The following NCL variants were observed in gnomAD, a reference collection of about 807,000 sequenced individuals.
NCL encodes the protein nucleolin multifunctional protein.
A neutral mutation model predicts 77.7 loss-of-function variants in NCL; 4 were observed. The observed-to-expected ratio is 0.05, with a 90% CI of 0.03 to 0.12. The LOEUF (loss-of-function observed/expected upper bound fraction) is 0.12, where lower values mean the gene tolerates loss of function less well. Among genes scored for constraint, NCL ranks in the 10% least tolerant of loss-of-function variants. NCL has a pLI of 1.00. For missense variants in NCL, 763 were observed against 860.9 expected, an observed-to-expected ratio of 0.89 and a Z score of 1.42; for synonymous variants, 344 against 297.8, an observed-to-expected ratio of 1.16 and a Z score of -1.60.
At chr2:231,463,011 TAC>T in intron 2 of NCL, 187 bp downstream of exon 2, 2 of 568,656 alleles carry the variant, frequency 3.5e-6, no homozygotes, top group South Asian at 4.3e-5. Flanking sequence ...GATCTCGTCT[TAC>T]ACTCACATTC....
intron 2 of NCL, 72 bp downstream of exon 2, chr2:231,463,128 T>C (rs2046967845): frequency 8.8e-7 from 1 of 1,133,382 alleles, no homozygotes; most frequent in Admixed American, 2.3e-5. Context: ...TTGCCACAGA[T>C]ATCCAATTTC....
At chr2:231,458,204 T>C (rs2046910126) in intron 8 of NCL, 62 bp downstream of exon 8, 2 of 1,572,006 alleles carry the variant, frequency 1.3e-6, no homozygotes, top group Middle Eastern at 1.7e-4. Context: ...ATATTTCTTT[T>C]ATAAAGCAGG....
intron 11 of NCL, 154 bp downstream of exon 11, chr2:231,456,477 C>A (rs201263063): frequency 2.5e-5 from 33 of 1,318,266 alleles, no homozygotes; most frequent in South Asian, 1.2e-5. Context: ...GAGGAATTTT[C>A]TTGAGATTTC....
intron 10 of NCL, 59 bp downstream of exon 10, chr2:231,456,942 C>A: frequency 6.3e-7 from 1 of 1,591,242 alleles, no homozygotes; most frequent in South Asian, 1.1e-5. Context: ...ACCTTACGTT[C>A]CTTTAGACCT....
chr2:231,460,694 CTCA>C lies in NCL; in HGVS notation c.783_785del (p.Asp261del), dbSNP rs556842200. Reference sequence around the variant, plus strand: ...CTTCCTCCTCCTCTTCTTCCTCCTCCTCATCATCTTCATCATCATCATCTTCAT... The same window carrying C: ...CTTCCTCCTCCTCTTCTTCCTCCTCCTCATCTTCATCATCATCATCTTCAT... On this transcript the variant is annotated inframe_deletion, in exon 4 of 14. Coordinates refer to ENST00000322723, the MANE Select transcript of NCL (RefSeq NM_005381.3). 11,398 of 1,609,856 alleles carry C rather than the reference CTCA, an allele frequency of 7.1e-3. 36 individuals carry two copies. The highest frequency in any genetic ancestry group is 9.3e-3 in the Middle Eastern group (56 of 6,050).
chr2:231,461,037 G>A (rs915866122), intron 3 of NCL, among the ~76,000 whole-genome samples, 171 bp from the exon 4 acceptor site: 1 of 152,156 alleles, frequency 6.6e-6, no homozygotes, highest in African/African-American at 2.4e-5. Context: ...CTAGCACTTT[G>A]GGAGACCAAG....
At position 231,463,227 on chromosome 2, in the gene NCL, ATCT is replaced by A. The variant is rs1559543204; in HGVS notation, c.105_107del (p.Glu35del). ...CTTCTCCACTGCTATCATCTTCTTC[ATCT>A]TCTGACATTTCCTCATCTTCACTAT... On this transcript the variant is annotated inframe_deletion, in exon 2 of 14. Coordinates refer to ENST00000322723, the MANE Select transcript of NCL (RefSeq NM_005381.3). 1 of 1,610,788 alleles carries A rather than the reference ATCT, an allele frequency of 6.2e-7. No homozygotes were observed. Among genetic ancestry groups the A allele is most frequent in the East Asian group, 2.2e-5 (1 of 44,824 alleles).
chr2:231,456,800 C>T (rs1303632400), intron 10 of NCL, 36 bp from the exon 11 acceptor site: 1 of 1,611,222 alleles, frequency 6.2e-7, no homozygotes. Flanking sequence ...AGTAAGTTAC[C>T]AGGCACATGC....
chr2:231,461,205 G>A (rs758824709), intron 3 of NCL, among the ~76,000 whole-genome samples: 1 of 151,830 alleles, frequency 6.6e-6, no homozygotes, highest in Non-Finnish European at 1.5e-5. Flanking sequence ...GAACCCAGGA[G>A]ATGGAGGCTG....
At chr2:231,458,862 AT>A in intron 7 of NCL, 138 bp downstream of exon 7, 1 of 940,532 alleles carries the variant, frequency 1.1e-6, no homozygotes, top group Non-Finnish European at 1.5e-6. Flanking sequence ...AGCTCATTTA[AT>A]TCCCACATTA....
In NCL at chr2:231,457,753, A is replaced by C; in HGVS notation, c.1337T>G (p.Phe446Cys). ...GATCTCTGTTCCCTGCTTTTCTTCA[A>C]AGGTTTTCTCTGCATCAGCTTCTGT... is the stretch of plus-strand genomic sequence containing the variant. Reference protein sequence around the residue: ...FKTEADAEKTFEEKQGTEIDG... With the variant: ...FKTEADAEKTCEEKQGTEIDG... The change falls in exon 9 of 14, where the codon TTT becomes TGT. Residue 446 changes from phenylalanine to cysteine, a missense_variant. By Grantham distance (205) the Phe-to-Cys change is radical. Coordinates refer to ENST00000322723, the MANE Select transcript of NCL (RefSeq NM_005381.3). 6.2e-7 allele frequency: 1 copy of C among 1,613,122 alleles called. No homozygotes were observed. The highest frequency in any genetic ancestry group is 2.2e-5 in the East Asian group (1 of 44,840).
chr2:231,456,945 T>C (rs1686752271), intron 10 of NCL, 56 bp downstream of exon 10: 2 of 1,594,276 alleles, frequency 1.3e-6, no homozygotes, highest in African/African-American at 1.4e-5. Context: ...TTACGTTCCT[T>C]TAGACCTCTA....
In NCL at chr2:231,460,614, T is replaced by TA. The variant is rs749272778; in HGVS notation, c.812-51dup. On this transcript the variant is annotated intron_variant, in intron 4 of 13. Coordinates refer to ENST00000322723, the MANE Select transcript of NCL (RefSeq NM_005381.3). ...TCACACATCAGTAGCCACAAACACTTAAGTGCCTCCTTTAAACATAACTCA... is the reference window on the plus strand; with the variant it reads ...TCACACATCAGTAGCCACAAACACTTAAAGTGCCTCCTTTAAACATAACTCA... The TA allele has an allele frequency of 3.1e-6, 5 of 1,614,144 alleles. No homozygotes were observed. The Admixed American group carries it at 8.3e-5, about 27-fold the overall frequency.
chr2:231,462,068 A>T lies in NCL; in HGVS notation c.136-51T>A, dbSNP rs776145061. ...AGTAAGTCCAGCCCCACACCCAAAA[A>T]GATAACCATGGTCCCAATGAGATGT... On this transcript the variant is annotated intron_variant, in intron 2 of 13. Transcript: ENST00000322723. 60 of 1,596,308 alleles carry T rather than the reference A, an allele frequency of 3.8e-5. No individual in the cohort carries two copies. In the Middle Eastern group the frequency reaches 9.9e-4, roughly 26 times the overall value.
In NCL at chr2:231,454,877, A is replaced by C. The variant is rs1559539301; in HGVS notation, c.*314T>G. 3.3e-5 allele frequency: 8 copies of C among 241,794 alleles called. No homozygotes were observed. Among genetic ancestry groups the C allele is most frequent in the Admixed American group, 1.0e-4 (2 of 19,692 alleles). The allele number at this position is 241,794 out of a possible 1,614,324, so 15.0% of individuals were successfully genotyped here. ...AAAAAAAAACAAAAACAAAACAAAA[A>C]AAAGAAACAACAACAAAACCCAAAC... On this transcript the variant is annotated 3_prime_UTR_variant, in exon 14 of 14. Coordinates refer to ENST00000322723, the MANE Select transcript of NCL (RefSeq NM_005381.3).
chr2:231,458,384 C>T lies in NCL; in HGVS notation c.1171G>A (p.Asp391Asn). The T allele has an allele frequency of 6.2e-7, 1 of 1,613,178 alleles. No individual in the cohort carries two copies. Among genetic ancestry groups the T allele is most frequent in the Non-Finnish European group, 8.5e-7 (1 of 1,179,812 alleles). ...PKGKDSKKER[D>N]ARTLLAKNLP... The stretch of plus-strand genomic sequence containing the variant: ...TTTTTAGCCAAAAGTGTTCTCGCAT[C>T]TCGCTCTAGATTAAAAAAACAAAAA... Residue 391 changes from aspartate to asparagine, a missense_variant, in exon 8 of 14, where the codon GAT (aspartate) becomes AAT (asparagine). Transcript: ENST00000322723.
At chr2:231,459,310 A>C (rs185058723) in intron 6 of NCL, among the ~76,000 whole-genome samples, 185 bp from the exon 7 acceptor site, 35 of 152,334 alleles carry the variant, frequency 2.3e-4, no homozygotes, top group Non-Finnish European at 4.6e-4. Flanking sequence ...CAGCATGAAG[A>C]TATGACATGC....
rs375767585 is a variant in NCL at position 231,455,474 on chromosome 2, G to A, written c.1983C>T (p.Gly661=). 1.7e-5 allele frequency: 27 copies of A among 1,613,856 alleles called. No individual in the cohort carries two copies. Among genetic ancestry groups the A allele is most frequent in the South Asian group, 3.3e-5 (3 of 91,074 alleles). ...GGFGGRGGGR[G]GFGGRGGGRG... is the part of the protein sequence containing the mutation. ...TACCACCACCTCGTCCTCCAAAGCC[G>A]CCTCTGCCTCCACCACGACCCCCGA... Residue 661 remains glycine (G), a synonymous_variant, in exon 13 of 14, where the codon GGC becomes GGT. Transcript: ENST00000322723.
At chr2:231,456,329 G>C in intron 11 of NCL, 193 bp from the exon 12 acceptor site, 2 of 876,340 alleles carry the variant, frequency 2.3e-6, no homozygotes, top group Non-Finnish European at 3.6e-6. Flanking sequence ...CCATTGCATA[G>C]TTGATATCCT....
Sources: gnomAD v4.1 joint callset for allele counts (sites outside exome capture counted in the v4.1 genomes callset) on GRCh38, gnomAD v4.1.1 for gene constraint, MANE v1.5 for transcripts, NCBI Gene and HGNC (gene_info 2026-07-23, HGNC 2026-07-21) for gene names.